BCAS1: variants seen among roughly 807,000 people sequenced by gnomAD.
BCAS1 encodes the protein brain enriched myelin associated protein 1, also known as breast carcinoma-amplified sequence 1.
In BCAS1, 46 loss-of-function variants were observed where a neutral mutation model predicts 65.4. That is an observed-to-expected ratio of 0.70 (90% confidence interval 0.55 to 0.90). BCAS1 has a LOEUF of 0.90. Among genes scored for constraint, BCAS1 ranks in the 40% least tolerant of loss-of-function variants. BCAS1 has a pLI of 0.00. For synonymous variants in BCAS1, 298 were observed against 293.5 expected (o/e 1.02, Z -0.16); for missense variants, 793 against 771.2 (o/e 1.03, Z -0.33).
At chr20:54,020,907 T>C (rs531885511) in intron 4 of BCAS1, among the ~76,000 whole-genome samples, 1 of 152,346 alleles carries the variant, frequency 6.6e-6, no homozygotes, top group East Asian at 1.9e-4. Context: ...CGCATGTATA[T>C]CAGCTCAAGT....
intron 4 of BCAS1, among the ~76,000 whole-genome samples, chr20:54,001,187 T>C (rs2091047059): frequency 6.6e-6 from 1 of 152,212 alleles, no homozygotes; most frequent in Non-Finnish European, 1.5e-5. Context: ...TTGCAAAAAT[T>C]ATGAGTGAAA....
At chr20:53,985,212 A>G in intron 8 of BCAS1, 75 bp downstream of exon 8, 1 of 1,397,030 alleles carries the variant, frequency 7.2e-7, no homozygotes, top group African/African-American at 1.4e-5. Flanking sequence ...TGAGTACAAC[A>G]GTTAGCCCAA....
chr20:54,066,988 A>G (rs1357497467), intron 1 of BCAS1, among the ~76,000 whole-genome samples: 1 of 152,248 alleles, frequency 6.6e-6, no homozygotes, highest in African/African-American at 2.4e-5. Flanking sequence ...TATATGTAAT[A>G]TAATAGAACA....
At chr20:54,030,097 A>G (rs2091766840) in intron 3 of BCAS1, among the ~76,000 whole-genome samples, 1 of 152,342 alleles carries the variant, frequency 6.6e-6, no homozygotes, top group Admixed American at 6.5e-5. Context: ...ACTGTTTCCA[A>G]CATCCACCCT....
chr20:53,945,163 C>T (rs4811486), intron 12 of BCAS1, among the ~76,000 whole-genome samples, 167 bp from the exon 13 acceptor site: 26,075 of 152,122 alleles, frequency 0.17, 2,566 homozygotes, highest in East Asian at 0.39. Flanking sequence ...TGCCCGGGTT[C>T]GATACCCAGT....
At chr20:54,058,611 T>C (rs1051916580) in intron 2 of BCAS1, 36 bp downstream of exon 2, 9 of 1,534,626 alleles carry the variant, frequency 5.9e-6, no homozygotes. Flanking sequence ...TTTTTTTTTT[T>C]TTCTGCTGAT....
intron 1 of BCAS1, among the ~76,000 whole-genome samples, chr20:54,059,937 G>C (rs1438413257): frequency 1.3e-5 from 2 of 152,186 alleles, no homozygotes; most frequent in African/African-American, 4.8e-5. Context: ...TTGCTGGGCT[G>C]GGCACTAGGG....
At chr20:54,012,419 AT>A (rs2091341516) in intron 4 of BCAS1, among the ~76,000 whole-genome samples, 2 of 150,630 alleles carry the variant, frequency 1.3e-5, no homozygotes, top group Admixed American at 6.7e-5. Flanking sequence ...TAACTGTTGT[AT>A]TTCTTACAGC....
chr20:54,028,406 C>T lies in BCAS1; in HGVS notation c.709G>A (p.Val237Ile). 1.2e-6 allele frequency: 2 copies of T among 1,614,220 alleles called. No individual in the cohort carries two copies. The highest frequency in any genetic ancestry group is 1.7e-6 in the Non-Finnish European group (2 of 1,180,032). ...GGCACACTTACCTTCCCTGCAGGGACATCATCGGACTGCCCTGATAAGCCA... is the reference window on the plus strand; with the variant it reads ...GGCACACTTACCTTCCCTGCAGGGATATCATCGGACTGCCCTGATAAGCCA... ...VPGLSGQSDD[V>I]PAGKDIVDGK... Residue 237 changes from valine (V) to isoleucine (I), a missense_variant, in exon 4 of 13, where the codon GTC (valine) becomes ATC (isoleucine). Val to Ile is a conservative substitution (Grantham distance 29, BLOSUM62 3). Coordinates refer to ENST00000688948, the MANE Select transcript of BCAS1 (RefSeq NM_001366298.2).
chr20:54,056,809 C>T (rs553832643), intron 3 of BCAS1, among the ~76,000 whole-genome samples: 126 of 152,280 alleles, frequency 8.3e-4, no homozygotes, highest in African/African-American at 2.8e-3. Context: ...CAGAATCTTA[C>T]ATGTGAAAGA....
At chr20:54,037,292 G>A (rs1005050355) in intron 3 of BCAS1, among the ~76,000 whole-genome samples, 6 of 151,302 alleles carry the variant, frequency 4.0e-5, no homozygotes, top group African/African-American at 1.5e-4. Flanking sequence ...AAATGAACAG[G>A]GAAGAGCTCC....
At chr20:54,003,331 G>A (rs922549321) in intron 4 of BCAS1, among the ~76,000 whole-genome samples, 4 of 151,978 alleles carry the variant, frequency 2.6e-5, no homozygotes, top group Admixed American at 2.6e-4. Flanking sequence ...AAAGGATATG[G>A]AGTAAATTCT....
intron 3 of BCAS1, among the ~76,000 whole-genome samples, chr20:54,042,995 G>T (rs1426678770): frequency 6.6e-6 from 1 of 152,168 alleles, no homozygotes; most frequent in Non-Finnish European, 1.5e-5. Flanking sequence ...CCTCTGCTTG[G>T]CAAATTCAGA....
intron 4 of BCAS1, among the ~76,000 whole-genome samples, chr20:54,009,700 C>T (rs1236953688): frequency 6.6e-6 from 1 of 152,086 alleles, no homozygotes; most frequent in Non-Finnish European, 1.5e-5. Flanking sequence ...AGAGGGAATG[C>T]TTACTAATTT....
chr20:53,954,294 GGAGAGAGA>G (rs71196437), intron 11 of BCAS1, among the ~76,000 whole-genome samples: 6,498 of 125,834 alleles, frequency 0.052, 192 homozygotes, highest in Middle Eastern at 0.078. Context: ...GCTGAGAAAT[GGAGAGAGA>G]GAGAGAGAGA....
At chr20:53,967,138 A>C in intron 9 of BCAS1, 65 bp from the exon 10 acceptor site, 1 of 1,567,816 alleles carries the variant, frequency 6.4e-7, no homozygotes, top group Non-Finnish European at 8.7e-7. Context: ...CATGTTTTAC[A>C]AAGTGGGGTC....
chr20:53,970,407 A>C (rs556753596), intron 9 of BCAS1, among the ~76,000 whole-genome samples: 2 of 152,382 alleles, frequency 1.3e-5, no homozygotes, highest in Non-Finnish European at 2.9e-5. Context: ...TCTTGGCTAA[A>C]TAAGGATCTG....
intron 6 of BCAS1, among the ~76,000 whole-genome samples, chr20:53,993,122 T>C (rs938877823): frequency 1.3e-5 from 2 of 152,192 alleles, no homozygotes; most frequent in Non-Finnish European, 2.9e-5. Context: ...TATTAGAAAC[T>C]TTATGGAAGC....
At chr20:54,062,553 T>C (rs1324657591) in intron 1 of BCAS1, among the ~76,000 whole-genome samples, 1 of 152,234 alleles carries the variant, frequency 6.6e-6, no homozygotes, top group African/African-American at 2.4e-5. Context: ...GATTACAAGC[T>C]TTATTTTAAA....
Sources: gnomAD v4.1 joint callset for allele counts (sites outside exome capture counted in the v4.1 genomes callset) on GRCh38, gnomAD v4.1.1 for gene constraint, MANE v1.5 for transcripts, NCBI Gene and HGNC (gene_info 2026-07-23, HGNC 2026-07-21) for gene names.